The following NAT16 variants were observed in gnomAD, a reference collection of about 807,000 sequenced individuals.
The protein encoded by NAT16 is probable N-acetyltransferase 16.
A neutral mutation model predicts 15.9 loss-of-function variants in NAT16; 16 were observed. The observed-to-expected ratio is 1.01, with a 90% CI of 0.68 to 1.53. The LOEUF (loss-of-function observed/expected upper bound fraction) is 1.53, where lower values mean the gene tolerates loss of function less well. Among genes scored for constraint, NAT16 ranks in the 40% most tolerant of loss-of-function variants. The pLI is 0.00. For missense variants in NAT16, 572 were observed against 508.4 expected (o/e 1.13, Z -1.20); for synonymous variants, 260 against 241.9 (o/e 1.07, Z -0.69).
rs2410797 is a variant in NAT16 at position 101,175,310 on chromosome 7, T to A, written c.-4-499A>T. On this transcript the variant is annotated intron_variant, in intron 1 of 3. Coordinates refer to ENST00000300303, the MANE Select transcript of NAT16 (RefSeq NM_198571.3). ...TTAATACAGATAGGGATCTCACTAC[T>A]TTGCCCAGGCTGGTCTCGAACTCCT... 2.3e-3 allele frequency among the ~76,000 whole-genome samples: 341 copies of A among 150,048 alleles called. 1 individual carries two copies. The highest frequency in any genetic ancestry group is 4.4e-3 in the Admixed American group (66 of 15,062).
intron 1 of NAT16, among the ~76,000 whole-genome samples, chr7:101,177,016 G>T (rs186638307): frequency 1.2e-4 from 18 of 152,278 alleles, no homozygotes; most frequent in Admixed American, 1.0e-3. Context: ...AACGCGGTAT[G>T]CTTGCTATAC....
At position 101,171,997 on chromosome 7, in the gene NAT16, C is replaced by T; in HGVS notation, c.*82G>A. 6.0e-6 allele frequency: 6 copies of T among 992,170 alleles called. No individual in the cohort carries two copies. The allele number at this position is 992,170 out of a possible 1,614,324, so 61.5% of individuals were successfully genotyped here. ...GGGGACTTCCCAGGAGACGCAGCGT[C>T]GGAAATGGCAGGAAAGAGGCTGGCT... On this transcript the variant is annotated 3_prime_UTR_variant, in exon 4 of 4. Transcript: ENST00000300303.
chr7:101,179,907 G>A (rs1294237507), intron 1 of NAT16, 135 bp downstream of exon 1: 1 of 152,314 alleles, frequency 6.6e-6, no homozygotes, highest in Non-Finnish European at 1.5e-5. Context: ...TGGGTCTTCG[G>A]ACTGGGAGGG....
intron 1 of NAT16, among the ~76,000 whole-genome samples, 172 bp from the exon 2 acceptor site, chr7:101,174,983 C>G (rs1263958897): frequency 1.3e-5 from 2 of 152,126 alleles, no homozygotes; most frequent in Non-Finnish European, 2.9e-5. Flanking sequence ...GAGACGGAGT[C>G]TCGTTCTGCC....
At chr7:101,175,276 AT>A (rs1339161575) in intron 1 of NAT16, among the ~76,000 whole-genome samples, 54 of 143,122 alleles carry the variant, frequency 3.8e-4, no homozygotes, top group African/African-American at 1.0e-3. Context: ...TCTTCTTCTT[AT>A]TTTTTTTTTA....
chr7:101,173,214 C>T, intron 3 of NAT16, 82 bp downstream of exon 3: 1 of 1,255,416 alleles, frequency 8.0e-7, no homozygotes, highest in Non-Finnish European at 1.2e-6. Flanking sequence ...AGAGCAAGCC[C>T]GTGTTCTGCT....
chr7:101,175,615 G>A (rs1454222820), intron 1 of NAT16, among the ~76,000 whole-genome samples: 1 of 148,888 alleles, frequency 6.7e-6, no homozygotes, highest in Non-Finnish European at 1.5e-5. Flanking sequence ...AGGCACTTGG[G>A]GGTAGTTTTA....
intron 1 of NAT16, among the ~76,000 whole-genome samples, chr7:101,177,701 A>G (rs1288364949): frequency 1.3e-5 from 2 of 152,144 alleles, no homozygotes; most frequent in African/African-American, 4.8e-5. Flanking sequence ...CTGAAGAGCA[A>G]GGAGGGGAAC....
chr7:101,177,942 G>A (rs1797502116), intron 1 of NAT16, among the ~76,000 whole-genome samples: 2 of 152,168 alleles, frequency 1.3e-5, no homozygotes, highest in African/African-American at 2.4e-5. Flanking sequence ...TCCATCTGCA[G>A]CTCCAGGCAA....
rs1797368674 is a variant in NAT16 at position 101,172,934 on chromosome 7, G to A, written c.538-283C>T. 6.6e-6 allele frequency among the ~76,000 whole-genome samples: 1 copy of A among 152,168 alleles called. No individual in the cohort carries two copies. The highest frequency in any genetic ancestry group is 2.4e-5 in the African/African-American group (1 of 41,434). On this transcript the variant is annotated intron_variant, in intron 3 of 3. Coordinates refer to ENST00000300303, the MANE Select transcript of NAT16 (RefSeq NM_198571.3). This position sits in a 1 kb window ranked among gnomAD's most constrained non-coding sequence, Gnocchi z 4.2. Reference sequence around the variant, plus strand: ...CAGGGAACTGAGGGTACGGGTCCCCGGGTCTCCAGGGACGTGAAAGCCAGG... The same window carrying A: ...CAGGGAACTGAGGGTACGGGTCCCCAGGTCTCCAGGGACGTGAAAGCCAGG...
chr7:101,174,445 A>G, intron 2 of NAT16, 51 bp downstream of exon 2: 1 of 1,522,440 alleles, frequency 6.6e-7, no homozygotes, highest in Non-Finnish European at 8.8e-7. Context: ...AGATCCACGC[A>G]CCCGCAGGTG....
At chr7:101,176,614 T>C (rs967627596) in intron 1 of NAT16, among the ~76,000 whole-genome samples, 2 of 115,828 alleles carry the variant, frequency 1.7e-5, no homozygotes, top group Non-Finnish European at 3.3e-5. Context: ...ATAGGGAGAC[T>C]TGGGCTCTGT....
Position 101,172,316 on chromosome 7 carries a change from G to T in NAT16, c.873C>A (p.Asp291Glu). ...CGATGTTGAGATAGCGCCAAGTGCC[G>T]TCCCCTCCGTGCGGGATGGGGAAGG... is the stretch of plus-strand genomic sequence containing the variant. ...TRPFPIPHGG[D>E]GTWRYLNIDA... is the part of the protein sequence containing the mutation. Residue 291 changes from aspartate to glutamate, a missense_variant, in exon 4 of 4, where the codon GAC becomes GAA. Asp to Glu is a conservative substitution (Grantham distance 45). Coordinates refer to ENST00000300303, the MANE Select transcript of NAT16 (RefSeq NM_198571.3). This position sits in a 1 kb window ranked among gnomAD's most constrained non-coding sequence, Gnocchi z 4.2. 2 of 1,608,314 alleles carry T rather than the reference G, an allele frequency of 1.2e-6. No individual in the cohort carries two copies. Among genetic ancestry groups the T allele is most frequent in the Non-Finnish European group, 1.7e-6 (2 of 1,178,046 alleles).
At chr7:101,173,602 C>T in intron 2 of NAT16, 82 bp from the exon 3 acceptor site, 1 of 1,279,886 alleles carries the variant, frequency 7.8e-7, no homozygotes, top group Non-Finnish European at 1.1e-6. Flanking sequence ...TCTCCTCTTC[C>T]CACACGCTGA....
intron 1 of NAT16, among the ~76,000 whole-genome samples, chr7:101,179,442 T>G (rs1797543501): frequency 6.7e-6 from 1 of 149,940 alleles, no homozygotes; most frequent in African/African-American, 2.5e-5. Flanking sequence ...ACACACCCCC[T>G]TCGCCCCGGG....
At chr7:101,176,287 G>T (rs543218877) in intron 1 of NAT16, among the ~76,000 whole-genome samples, 2 of 152,304 alleles carry the variant, frequency 1.3e-5, no homozygotes, top group East Asian at 3.9e-4. Flanking sequence ...CTGAGGTCAG[G>T]AGTTCGAGAC....
intron 1 of NAT16, among the ~76,000 whole-genome samples, chr7:101,177,620 G>A (rs1414275829): frequency 6.6e-6 from 1 of 152,170 alleles, no homozygotes; most frequent in African/African-American, 2.4e-5. Context: ...CCAAAGTGCT[G>A]GGATATTAGG....
chr7:101,177,317 T>A (rs1320119947), intron 1 of NAT16, among the ~76,000 whole-genome samples: 1 of 152,104 alleles, frequency 6.6e-6, no homozygotes, highest in East Asian at 1.9e-4. Flanking sequence ...AGACCTCTTA[T>A]TATTATTGTT....
intron 1 of NAT16, among the ~76,000 whole-genome samples, chr7:101,177,713 A>G (rs959717216): frequency 3.9e-5 from 6 of 152,152 alleles, no homozygotes; most frequent in African/African-American, 1.4e-4. Flanking sequence ...GAGGGGAACT[A>G]CTGGGTCCTT....
Sources: gnomAD v4.1 joint callset for allele counts (sites outside exome capture counted in the v4.1 genomes callset) on GRCh38, gnomAD v4.1.1 for gene constraint, Gnocchi (gnomAD v3.1) non-coding constraint, MANE v1.5 for transcripts, NCBI Gene and HGNC (gene_info 2026-07-23, HGNC 2026-07-21) for gene names.